The following SGCG variants were observed in gnomAD, a reference collection of about 807,000 sequenced individuals.
SGCG encodes the protein gamma-sarcoglycan.
A neutral mutation model predicts 29.3 loss-of-function variants in SGCG; 26 were observed. The ratio of observed to expected loss-of-function variants is 0.89; its 90% CI spans 0.65 to 1.23. The LOEUF (loss-of-function observed/expected upper bound fraction) is 1.23. Ranked by LOEUF, SGCG falls within the 50% of genes most tolerant of loss-of-function variation. The probability of loss-of-function intolerance (pLI) is 0.00; values close to 1 mark genes in which losing one functional copy is unlikely to be tolerated. For synonymous variants in SGCG, 145 were observed against 129.7 expected (o/e 1.12, Z -0.80); for missense variants, 353 against 356.0 (o/e 0.99, Z 0.07).
chr13:23,299,930 A>C (rs1331027162), intron 6 of SGCG, among the ~76,000 whole-genome samples: 1 of 152,214 alleles, frequency 6.6e-6, no homozygotes, highest in Non-Finnish European at 1.5e-5. Context: ...GACCTCAATG[A>C]GTTTACAGTC....
intron 4 of SGCG, among the ~76,000 whole-genome samples, chr13:23,254,957 G>T (rs1025656037): frequency 3.9e-5 from 6 of 152,342 alleles, no homozygotes; most frequent in East Asian, 1.9e-4. Flanking sequence ...TTCAGAAGAC[G>T]TGTAGAAAAG....
the SGCG span, among the ~76,000 whole-genome samples, chr13:23,174,791 A>G: frequency 6.6e-6 from 1 of 152,262 alleles, no homozygotes; most frequent in Non-Finnish European, 1.5e-5. Context: ...AAACATAGTT[A>G]TAAAAATGTG....
Position 23,203,930 on chromosome 13 carries a change from T to C in SGCG, c.195+41T>C, listed in dbSNP as rs756856507. On this transcript the variant is annotated intron_variant, in intron 2 of 7. Coordinates refer to ENST00000218867, the MANE Select transcript of SGCG (RefSeq NM_000231.3). ...TTCTGGTAAGCATGTTCTTGTTTTG[T>C]TCACTGTATCACTTAGTCTGTATTG... 4 of 1,368,982 alleles carry C rather than the reference T, an allele frequency of 2.9e-6. No individual in the cohort carries two copies. The East Asian group carries it at 9.2e-5, about 31-fold the overall frequency. The allele number at this position is 1,368,982 out of a possible 1,614,324, so 84.8% of individuals were successfully genotyped here.
intron 5 of SGCG, among the ~76,000 whole-genome samples, chr13:23,283,034 C>T (rs1881365975): frequency 6.6e-6 from 1 of 152,056 alleles, no homozygotes; most frequent in East Asian, 1.9e-4. Context: ...GTTTTACTTC[C>T]AATTATGTGG....
At chr13:23,263,121 A>G (rs1788019193) in intron 4 of SGCG, among the ~76,000 whole-genome samples, 1 of 151,842 alleles carries the variant, frequency 6.6e-6, no homozygotes, top group Admixed American at 6.6e-5. Flanking sequence ...CCAAACCCAA[A>G]GCTACCATAG....
Position 23,191,753 on chromosome 13 carries a change from C to T in SGCG, c.-1+10678C>T, listed in dbSNP as rs150160807. ...CTTTTCAGATACTAATCTTCCTTCC[C>T]GATCCAACACATTCATCATATGAAG... On this transcript the variant is annotated intron_variant, in intron 1 of 7. Coordinates refer to ENST00000218867, the MANE Select transcript of SGCG (RefSeq NM_000231.3). Among the ~76,000 whole-genome samples the T allele has an allele frequency of 1.5e-4, 23 of 152,264 alleles. No individual in the cohort carries two copies. In the East Asian group the frequency reaches 4.1e-3, roughly 27 times the overall value.
At chr13:23,206,802 GA>G (rs1877996729) in intron 2 of SGCG, among the ~76,000 whole-genome samples, 2 of 152,158 alleles carry the variant, frequency 1.3e-5, no homozygotes, top group African/African-American at 4.8e-5. Context: ...TAAAATAACT[GA>G]TGAAAAAATT....
intron 4 of SGCG, chr13:23,267,820 G>T (rs555747555): frequency 6.6e-6 from 1 of 152,134 alleles, no homozygotes. Context: ...CAAGATACAG[G>T]CTGCTGCTTT....
intron 4 of SGCG, among the ~76,000 whole-genome samples, chr13:23,264,987 A>G (rs1455346443): frequency 2.0e-5 from 3 of 152,196 alleles, no homozygotes; most frequent in Non-Finnish European, 2.9e-5. Flanking sequence ...CTAGAAGAAA[A>G]TCTATAGAAA....
At chr13:23,188,503 G>GGGA (rs1877097041) in intron 1 of SGCG, among the ~76,000 whole-genome samples, 2 of 69,476 alleles carry the variant, frequency 2.9e-5, no homozygotes, top group Admixed American at 1.6e-4. Context: ...TTTTTTTTTT[G>GGGA]GGACAGGTAT....
chr13:23,299,526 C>T, intron 6 of SGCG, among the ~76,000 whole-genome samples: 1 of 140,682 alleles, frequency 7.1e-6, no homozygotes, highest in East Asian at 2.1e-4. Flanking sequence ...GATCTCGGCT[C>T]ACTGCAAGCT....
intron 5 of SGCG, among the ~76,000 whole-genome samples, chr13:23,292,915 C>T (rs1881770815): frequency 6.6e-6 from 1 of 152,110 alleles, no homozygotes; most frequent in Non-Finnish European, 1.5e-5. Flanking sequence ...TTAAAATTTA[C>T]ATTTTCTATT....
intron 2 of SGCG, among the ~76,000 whole-genome samples, chr13:23,221,851 G>T (rs1202436703): frequency 6.6e-6 from 1 of 152,170 alleles, no homozygotes; most frequent in East Asian, 1.9e-4. Flanking sequence ...AATAGTCAGG[G>T]ACCAGATGTA....
At chr13:23,261,242 G>GA (rs71185061) in intron 4 of SGCG, among the ~76,000 whole-genome samples, 4 of 149,372 alleles carry the variant, frequency 2.7e-5, no homozygotes, top group Non-Finnish European at 6.0e-5. Flanking sequence ...TTTTTATTCT[G>GA]AAAAATTTTT....
At chr13:23,177,013 T>C (rs1003352068), upstream of SGCG, among the ~76,000 whole-genome samples, 13 of 152,342 alleles carry the variant, frequency 8.5e-5, no homozygotes, top group African/African-American at 2.2e-4. Flanking sequence ...AACTGTGGTA[T>C]ATATGCATGG....
intron 4 of SGCG, among the ~76,000 whole-genome samples, chr13:23,265,078 A>G (rs897673509): frequency 6.6e-6 from 1 of 152,182 alleles, no homozygotes; most frequent in Non-Finnish European, 1.5e-5. Context: ...ACCTAATTAA[A>G]CTAAAAAACT....
At chr13:23,191,642 G>T (rs1324687875) in intron 1 of SGCG, among the ~76,000 whole-genome samples, 1 of 152,182 alleles carries the variant, frequency 6.6e-6, no homozygotes, top group Non-Finnish European at 1.5e-5. Flanking sequence ...AATAAGGTTT[G>T]TCTTTGACAT....
chr13:23,298,171 T>C (rs905258187), intron 6 of SGCG, among the ~76,000 whole-genome samples: 3 of 151,748 alleles, frequency 2.0e-5, no homozygotes, highest in Admixed American at 6.6e-5. Flanking sequence ...CCCTGGCCAA[T>C]GTGATGAAAC....
chr13:23,256,649 A>G (rs916963787), intron 4 of SGCG, among the ~76,000 whole-genome samples: 23 of 152,206 alleles, frequency 1.5e-4, no homozygotes, highest in African/African-American at 5.3e-4. Context: ...TGTCCTTGCA[A>G]TAGTTTGCTC....
Sources: gnomAD v4.1 joint callset for allele counts (sites outside exome capture counted in the v4.1 genomes callset) on GRCh38, gnomAD v4.1.1 for gene constraint, MANE v1.5 for transcripts, NCBI Gene and HGNC (gene_info 2026-07-23, HGNC 2026-07-21) for gene names.